INTS6: variants seen among roughly 807,000 people sequenced by gnomAD.
INTS6 encodes the protein DEAD box protein.
A neutral mutation model predicts 104.9 loss-of-function variants in INTS6; 16 were observed. The ratio of observed to expected loss-of-function variants is 0.15; its 90% CI spans 0.10 to 0.23. The LOEUF (loss-of-function observed/expected upper bound fraction) is 0.23. Among genes scored for constraint, INTS6 ranks in the 10% least tolerant of loss-of-function variants. INTS6 has a pLI of 1.00. For missense variants in INTS6, 584 were observed against 1,062.8 expected (o/e 0.55, Z 6.26); for synonymous variants, 324 against 358.7 (o/e 0.90, Z 1.09).
chr13:51,448,092 G>C (rs1243878021), intron 3 of INTS6: 2 of 152,050 alleles, frequency 1.3e-5, no homozygotes, highest in African/African-American at 4.8e-5. Context: ...ATGGAAAACA[G>C]GATGACCTGT....
intron 3 of INTS6, among the ~76,000 whole-genome samples, chr13:51,434,573 A>G (rs1957152588): frequency 6.6e-6 from 1 of 152,078 alleles, no homozygotes; most frequent in South Asian, 2.1e-4. Flanking sequence ...AAATTAGAAT[A>G]ATGATTAAGT....
At chr13:51,420,299 ATTTT>A (rs71192003) in intron 4 of INTS6, among the ~76,000 whole-genome samples, 1 of 142,868 alleles carries the variant, frequency 7.0e-6, no homozygotes, top group Non-Finnish European at 1.5e-5. Context: ...TACATACTTA[ATTTT>A]TTTTTTTTTT....
intron 3 of INTS6, among the ~76,000 whole-genome samples, chr13:51,435,573 G>C (rs1427768925): frequency 1.3e-5 from 2 of 151,808 alleles, no homozygotes; most frequent in Non-Finnish European, 2.9e-5. Flanking sequence ...TGTTATTTTT[G>C]AAAGAAAATG....
At chr13:51,375,734 G>GGTGTGTGTGTGTGT (rs71684515) in intron 13 of INTS6, among the ~76,000 whole-genome samples, 71 of 147,682 alleles carry the variant, frequency 4.8e-4, no homozygotes, top group African/African-American at 1.6e-3. Context: ...TTGATAAGTG[G>GGTGTGTGTGTGTGT]GTGTGTGTGT....
intron 12 of INTS6, among the ~76,000 whole-genome samples, chr13:51,376,620 T>A (rs1955936422): frequency 6.6e-6 from 1 of 152,194 alleles, no homozygotes; most frequent in Non-Finnish European, 1.5e-5. Context: ...AAGTTTGTTG[T>A]ACCCACTTGC....
chr13:51,378,068 T>C (rs983826787), intron 12 of INTS6, among the ~76,000 whole-genome samples, 171 bp downstream of exon 12: 15 of 152,110 alleles, frequency 9.9e-5, no homozygotes, highest in Admixed American at 6.5e-5. Flanking sequence ...TCACACACCA[T>C]GTACACTGTT....
chr13:51,447,733 G>GAAAAAAAAAAAAAAAAAAAAAAAAA, intron 3 of INTS6: 1 of 55,476 alleles, frequency 1.8e-5, no homozygotes. Flanking sequence ...ATAATTTACT[G>GAAAAAAAAAAAAAAAAAAAAAAAAA]AAAAAAAAAA....
In INTS6 at chr13:51,364,630, T is replaced by C. The variant is rs1955651122; in HGVS notation, c.*1122A>G. The C allele has an allele frequency of 1.1e-5, 2 of 182,442 alleles. No homozygotes were observed. Among genetic ancestry groups the C allele is most frequent in the South Asian group, 1.9e-4 (1 of 5,276 alleles). The allele number at this position is 182,442 out of a possible 1,614,324, so 11.3% of individuals were successfully genotyped here. A position where few individuals can be genotyped will look rare whatever the true frequency, so the allele number is the denominator to read the frequency against. On this transcript the variant is annotated 3_prime_UTR_variant, in exon 18 of 18. Coordinates refer to ENST00000311234, the MANE Select transcript of INTS6 (RefSeq NM_012141.3). Reference sequence around the variant, plus strand: ...AGGGTGGAGAATGAATAGCGTGGTTTTCCTTATCCTGTGAAACTCAGGGGG... The same window carrying C: ...AGGGTGGAGAATGAATAGCGTGGTTCTCCTTATCCTGTGAAACTCAGGGGG...
intron 4 of INTS6, among the ~76,000 whole-genome samples, chr13:51,411,351 C>T (rs767840032): frequency 2.0e-4 from 30 of 151,136 alleles, no homozygotes; most frequent in Non-Finnish European, 2.7e-4. Flanking sequence ...GTCAGGAGTT[C>T]GAGACCAGCC....
chr13:51,428,970 T>C (rs1252576526), intron 4 of INTS6, among the ~76,000 whole-genome samples: 2 of 152,192 alleles, frequency 1.3e-5, no homozygotes, highest in African/African-American at 4.8e-5. Flanking sequence ...AATAATACTA[T>C]ATACTTCTCT....
chr13:51,372,839 C>T (rs1955837765), intron 15 of INTS6, among the ~76,000 whole-genome samples: 1 of 152,206 alleles, frequency 6.6e-6, no homozygotes, highest in African/African-American at 2.4e-5. Flanking sequence ...GGTTTCCCAA[C>T]TGATTCCTGT....
intron 7 of INTS6, chr13:51,384,861 T>A (rs1420926190): frequency 2.7e-6 from 1 of 367,372 alleles, no homozygotes; most frequent in Non-Finnish European, 5.3e-6. Flanking sequence ...TGGGCCTTCA[T>A]CATTTCTCAG....
chr13:51,360,467 T>A (rs891023444), downstream of INTS6, among the ~76,000 whole-genome samples: 1 of 152,070 alleles, frequency 6.6e-6, no homozygotes, highest in African/African-American at 2.4e-5. Context: ...TGGTTCTAAA[T>A]CTTTCATTTT....
intron 4 of INTS6, among the ~76,000 whole-genome samples, chr13:51,415,182 A>T (rs912453525): frequency 1.4e-4 from 22 of 152,182 alleles, no homozygotes; most frequent in African/African-American, 5.3e-4. Context: ...CTTAAAAAAA[A>T]AATTCTTTAA....
chr13:51,346,964 T>C, the INTS6 span: 3 of 1,277,044 alleles, frequency 2.3e-6, no homozygotes, highest in East Asian at 5.1e-5. Flanking sequence ...GCACACACAC[T>C]GGGTTCGGTT....
intron 11 of INTS6, 52 bp from the exon 12 acceptor site, chr13:51,378,506 C>A (rs1205427885): frequency 8.6e-7 from 1 of 1,167,426 alleles, no homozygotes; most frequent in South Asian, 1.4e-5. Flanking sequence ...ATTAATAAAT[C>A]AGATACTAAT....
chr13:51,408,481 A>G (rs929544506), intron 4 of INTS6, among the ~76,000 whole-genome samples: 5 of 152,178 alleles, frequency 3.3e-5, no homozygotes, highest in African/African-American at 1.2e-4. Context: ...GTTCATTTAA[A>G]GCACATTGGC....
intron 6 of INTS6, among the ~76,000 whole-genome samples, chr13:51,388,193 G>A (rs756737507): frequency 1.8e-4 from 27 of 151,868 alleles, no homozygotes; most frequent in Non-Finnish European, 2.1e-4. Context: ...GTTTGGTTTC[G>A]TTAAAGCAGA....
chr13:51,375,141 G>T (rs1474412165), intron 13 of INTS6, among the ~76,000 whole-genome samples: 2 of 151,882 alleles, frequency 1.3e-5, no homozygotes, highest in Non-Finnish European at 2.9e-5. Context: ...GATCACTTGA[G>T]GTAAGGAATG....
Sources: gnomAD v4.1 joint callset for allele counts (sites outside exome capture counted in the v4.1 genomes callset) on GRCh38, gnomAD v4.1.1 for gene constraint, MANE v1.5 for transcripts, NCBI Gene and HGNC (gene_info 2026-07-23, HGNC 2026-07-21) for gene names.